CTNNA3: variants seen among roughly 807,000 people sequenced by gnomAD.
CTNNA3 encodes catenin alpha 3.
A neutral mutation model predicts 95.7 loss-of-function variants in CTNNA3; 76 were observed. The ratio of observed to expected loss-of-function variants is 0.79; its 90% confidence interval spans 0.66 to 0.96. CTNNA3 has a LOEUF of 0.96. CTNNA3 is among the 40% of genes least tolerant of loss of function. The pLI is 0.00. For synonymous variants in CTNNA3, 431 were observed against 374.4 expected (o/e 1.15, Z -1.74); for missense variants, 1,191 against 1,089.8 (o/e 1.09, Z -1.31).
intron 7 of CTNNA3, among the ~76,000 whole-genome samples, chr10:66,977,408 C>T (rs1850110778): frequency 6.7e-6 from 1 of 148,356 alleles, no homozygotes; most frequent in Non-Finnish European, 1.5e-5. Flanking sequence ...TGCACTCCAG[C>T]CTGGCGATAG....
intron 5 of CTNNA3, among the ~76,000 whole-genome samples, chr10:67,270,772 T>C (rs1202011793): frequency 6.6e-6 from 1 of 152,136 alleles, no homozygotes; most frequent in African/African-American, 2.4e-5. Flanking sequence ...TGCTCACAAA[T>C]CTACCATTGT....
At chr10:66,949,687 T>C (rs574528940) in intron 7 of CTNNA3, among the ~76,000 whole-genome samples, 11 of 152,320 alleles carry the variant, frequency 7.2e-5, no homozygotes, top group Non-Finnish European at 1.5e-4. Flanking sequence ...TTTCAAATGC[T>C]TATAGTATGT....
At chr10:67,615,298 C>T (rs2133396757) in intron 2 of CTNNA3, among the ~76,000 whole-genome samples, 1 of 152,318 alleles carries the variant, frequency 6.6e-6, no homozygotes, top group African/African-American at 2.4e-5. Context: ...TCCACCAGCC[C>T]TCTGTGCCAC....
rs187194117 is a variant in CTNNA3, at chr10:67,170,808, C to T, written c.1047+9509G>A. ...ACCACAAACACTATGATGGAGAAGGCAATTCTGCATAGTGCTATGCTGTCT... is the reference window on the plus strand; with the variant it reads ...ACCACAAACACTATGATGGAGAAGGTAATTCTGCATAGTGCTATGCTGTCT... On this transcript the variant is annotated intron_variant, in intron 7 of 17. Transcript: ENST00000433211. Among the ~76,000 whole-genome samples, 15 of 152,234 alleles carry T rather than the reference C, an allele frequency of 9.9e-5. No individual in the cohort carries two copies. In the South Asian group the frequency reaches 1.0e-3, roughly 11 times the overall value.
intron 7 of CTNNA3, among the ~76,000 whole-genome samples, chr10:67,038,244 T>TA (rs894446367): frequency 3.3e-5 from 5 of 152,128 alleles, no homozygotes; most frequent in African/African-American, 7.2e-5. Flanking sequence ...TTAGCCATTC[T>TA]AAAAAAATCT....
chr10:66,020,328 T>C (rs543813199), intron 15 of CTNNA3, among the ~76,000 whole-genome samples: 2 of 151,940 alleles, frequency 1.3e-5, no homozygotes, highest in South Asian at 2.1e-4. Flanking sequence ...CACATATGAG[T>C]TCCTGGGAAG....
At chr10:66,934,484 A>G (rs1341880881) in intron 7 of CTNNA3, among the ~76,000 whole-genome samples, 1 of 152,206 alleles carries the variant, frequency 6.6e-6, no homozygotes, top group Non-Finnish European at 1.5e-5. Flanking sequence ...ATATTAGGAC[A>G]TAAAACAAAT....
chr10:66,065,033 A>G (rs2080284456), intron 15 of CTNNA3, among the ~76,000 whole-genome samples: 1 of 152,278 alleles, frequency 6.6e-6, no homozygotes, highest in Non-Finnish European at 1.5e-5. Context: ...GAAATATGGG[A>G]AAAAATGAAT....
intron 5 of CTNNA3, among the ~76,000 whole-genome samples, chr10:67,349,591 T>G (rs915532477): frequency 6.6e-6 from 1 of 152,160 alleles, no homozygotes; most frequent in Admixed American, 6.6e-5. Context: ...GAGTAAAGTT[T>G]CAATTAATCA....
chr10:67,354,896 A>G (rs1293867626), intron 5 of CTNNA3, among the ~76,000 whole-genome samples: 2 of 151,992 alleles, frequency 1.3e-5, no homozygotes, highest in Non-Finnish European at 2.9e-5. Flanking sequence ...AACCTAGGGT[A>G]TCTATTTCTT....
chr10:67,441,934 A>T (rs774424792), intron 5 of CTNNA3, among the ~76,000 whole-genome samples: 2 of 152,176 alleles, frequency 1.3e-5, no homozygotes, highest in Non-Finnish European at 2.9e-5. Flanking sequence ...TGGTGTGTAA[A>T]CTACTCTTAA....
chr10:67,532,750 C>T (rs1051311039), intron 4 of CTNNA3, among the ~76,000 whole-genome samples: 6 of 152,118 alleles, frequency 3.9e-5, no homozygotes, highest in African/African-American at 1.4e-4. Flanking sequence ...GAACTTATAC[C>T]AGTTCTTGCC....
chr10:67,683,765 T>C (rs1840673354), intron 1 of CTNNA3, among the ~76,000 whole-genome samples: 1 of 151,880 alleles, frequency 6.6e-6, no homozygotes, highest in African/African-American at 2.4e-5. Flanking sequence ...TTCCTTTAGA[T>C]GTGTCCAGAG....
intron 7 of CTNNA3, among the ~76,000 whole-genome samples, chr10:66,850,953 G>C (rs962908334): frequency 6.6e-6 from 1 of 152,016 alleles, no homozygotes; most frequent in Non-Finnish European, 1.5e-5. Context: ...GGCCATTTCA[G>C]GGATTTTAAA....
At chr10:67,407,371 T>C (rs1172616505) in intron 5 of CTNNA3, among the ~76,000 whole-genome samples, 2 of 152,104 alleles carry the variant, frequency 1.3e-5, no homozygotes, top group African/African-American at 2.4e-5. Flanking sequence ...ATTAGCATCC[T>C]TTCATGTAAA....
chr10:67,097,425 T>C (rs1002606704), intron 7 of CTNNA3, among the ~76,000 whole-genome samples: 2 of 151,758 alleles, frequency 1.3e-5, no homozygotes, highest in African/African-American at 2.4e-5. Flanking sequence ...TCTCACCATA[T>C]AGGAATAGGG....
At chr10:66,007,530 G>T (rs2078911499) in intron 15 of CTNNA3, among the ~76,000 whole-genome samples, 1 of 152,146 alleles carries the variant, frequency 6.6e-6, no homozygotes, top group Non-Finnish European at 1.5e-5. Flanking sequence ...GTGCAGCTGT[G>T]AGTGATCCTC....
rs970688208 is a variant in CTNNA3 at position 67,755,329 on chromosome 10, A to C, written c.-2+8105T>G. 5.3e-5 allele frequency among the ~76,000 whole-genome samples: 8 copies of C among 152,300 alleles called. No homozygotes were observed. In the East Asian group the frequency reaches 1.5e-3, roughly 29 times the overall value. Reference sequence around the variant, plus strand: ...CACCCCAGTTTAAATTGTTCTTATAAAAAAGACAAGCAATAACTGATGCTG... The same window carrying C: ...CACCCCAGTTTAAATTGTTCTTATACAAAAGACAAGCAATAACTGATGCTG... On this transcript the variant is annotated intron_variant, in intron 1 of 17. Coordinates refer to the CTNNA3 transcript ENST00000684154.
At chr10:66,683,740 T>C (rs893781163) in intron 9 of CTNNA3, among the ~76,000 whole-genome samples, 2 of 152,124 alleles carry the variant, frequency 1.3e-5, no homozygotes, top group African/African-American at 4.8e-5. Flanking sequence ...AACTGCTAAA[T>C]TGTCACACTT....
Sources: gnomAD v4.1 joint callset for allele counts (sites outside exome capture counted in the v4.1 genomes callset) on GRCh38, gnomAD v4.1.1 for gene constraint, MANE v1.5 for transcripts, NCBI Gene and HGNC (gene_info 2026-07-23, HGNC 2026-07-21) for gene names.